The following VPS35L variants were observed in gnomAD, a reference collection of about 807,000 sequenced individuals.
The protein encoded by VPS35L is VPS35 endosomal protein-sorting factor-like.
VPS35L carries 83 observed loss-of-function variants against 133.0 expected under a neutral mutation model. The ratio of observed to expected loss-of-function variants is 0.62; its 90% CI spans 0.52 to 0.75. The LOEUF is 0.75. Among genes scored for constraint, VPS35L ranks in the 30% least tolerant of loss-of-function variants. The probability of loss-of-function intolerance (pLI) is 0.00; values close to 1 mark genes in which losing one functional copy is unlikely to be tolerated. For missense variants in VPS35L, 1,083 were observed against 1,206.8 expected (o/e 0.90, Z 1.52); for synonymous variants, 423 against 449.9 (o/e 0.94, Z 0.76).
intron 7 of VPS35L, among the ~76,000 whole-genome samples, chr16:19,582,332 A>G (rs1486757199): frequency 6.6e-6 from 1 of 152,200 alleles, no homozygotes; most frequent in African/African-American, 2.4e-5. Flanking sequence ...TCTACAAAGG[A>G]TTTCTGAACT....
chr16:19,698,466 C>G (rs1337735747), intron 29 of VPS35L, among the ~76,000 whole-genome samples: 2 of 152,188 alleles, frequency 1.3e-5, no homozygotes, highest in Admixed American at 1.3e-4. Flanking sequence ...ATGCTCCCTA[C>G]CTTAATTCCA....
intron 1 of VPS35L, among the ~76,000 whole-genome samples, chr16:19,558,330 G>C (rs965707198): frequency 1.3e-5 from 2 of 152,364 alleles, no homozygotes; most frequent in South Asian, 4.1e-4. Context: ...GAGGCAGAGA[G>C]ATGAAGCAGT....
intron 5 of VPS35L, among the ~76,000 whole-genome samples, chr16:19,576,841 G>A (rs1971555480): frequency 6.8e-6 from 1 of 148,112 alleles, no homozygotes; most frequent in African/African-American, 2.6e-5. Flanking sequence ...TGAGTTACTG[G>A]GACTATAGGT....
chr16:19,690,019 C>T (rs897375159), intron 28 of VPS35L, among the ~76,000 whole-genome samples: 1 of 151,968 alleles, frequency 6.6e-6, no homozygotes, highest in Admixed American at 6.6e-5. Flanking sequence ...CTCAAGCAGT[C>T]CTCCCACCTT....
chr16:19,602,166 A>G (rs1449752992), intron 9 of VPS35L, among the ~76,000 whole-genome samples: 1 of 152,228 alleles, frequency 6.6e-6, no homozygotes, highest in Non-Finnish European at 1.5e-5. Flanking sequence ...TTTTGCATTA[A>G]ATTGACTGTC....
At chr16:19,654,110 C>T (rs1478006530) in intron 26 of VPS35L, among the ~76,000 whole-genome samples, 1 of 152,136 alleles carries the variant, frequency 6.6e-6, no homozygotes, top group Non-Finnish European at 1.5e-5. Context: ...CCTCTTTCTA[C>T]AATGATCTTT....
At chr16:19,570,866 TATATATATA>T (rs1971349436) in intron 3 of VPS35L, among the ~76,000 whole-genome samples, 2 of 88,078 alleles carry the variant, frequency 2.3e-5, no homozygotes, top group African/African-American at 5.8e-5. Context: ...TATATATATA[TATATATATA>T]TATATATATA....
chr16:19,640,544 G>A (rs67415302), intron 21 of VPS35L, among the ~76,000 whole-genome samples: 31,806 of 152,098 alleles, frequency 0.21, 3,999 homozygotes, highest in Non-Finnish European at 0.27. Context: ...AGAAGGCACC[G>A]GTGCTAGAAA....
At chr16:19,566,957 G>T (rs1971209579) in intron 2 of VPS35L, among the ~76,000 whole-genome samples, 1 of 151,996 alleles carries the variant, frequency 6.6e-6, no homozygotes, top group Non-Finnish European at 1.5e-5. Context: ...TCACCATGTT[G>T]GCCAGGCTGG....
intron 10 of VPS35L, chr16:19,608,544 C>T: frequency 2.3e-6 from 1 of 428,530 alleles, no homozygotes; most frequent in Non-Finnish European, 4.1e-6. Context: ...TTAATTCTCT[C>T]AATTAAAATG....
chr16:19,587,132 G>T (rs548625362), intron 7 of VPS35L, among the ~76,000 whole-genome samples: 1 of 152,046 alleles, frequency 6.6e-6, no homozygotes, highest in Non-Finnish European at 1.5e-5. Flanking sequence ...AGGTGACACA[G>T]GTTTTCAGAC....
chr16:19,590,757 T>C (rs1972018589), intron 7 of VPS35L, among the ~76,000 whole-genome samples: 1 of 152,024 alleles, frequency 6.6e-6, no homozygotes, highest in East Asian at 1.9e-4. Context: ...AAGACCAGCC[T>C]GAGCAACATA....
At chr16:19,673,960 A>G (rs892270451) in intron 27 of VPS35L, among the ~76,000 whole-genome samples, 1 of 152,090 alleles carries the variant, frequency 6.6e-6, no homozygotes, top group African/African-American at 2.4e-5. Context: ...TATTTGCTCA[A>G]GTTCATTGAG....
In VPS35L at chr16:19,617,323, A is replaced by T. The variant is rs146442142; in HGVS notation, c.1224+515A>T. ...CAATGAGCTGTGACTGTACTACTGC[A>T]CTCCAGCCTGAGTGACAGAGCAAGA... On this transcript the variant is annotated intron_variant, in intron 14 of 30. Transcript: ENST00000417362. 231 of 204,676 alleles carry T rather than the reference A, an allele frequency of 1.1e-3. 2 individuals are homozygous for T. The highest frequency in any genetic ancestry group is 4.3e-3 in the African/African-American group (186 of 43,308). 12.7% of individuals were successfully genotyped at this position (204,676 alleles called of 1,614,324 possible).
At chr16:19,680,326 C>T (rs1206490117) in intron 27 of VPS35L, among the ~76,000 whole-genome samples, 2 of 152,202 alleles carry the variant, frequency 1.3e-5, no homozygotes, top group Non-Finnish European at 2.9e-5. Flanking sequence ...ACATTATTCA[C>T]CCAATGCATG....
chr16:19,608,760 G>A (rs947262986), intron 10 of VPS35L: 9 of 535,080 alleles, frequency 1.7e-5, no homozygotes, highest in Admixed American at 9.7e-5. Context: ...ATGAATCAAC[G>A]TATAACATTT....
chr16:19,693,510 G>A (rs1245530548), intron 29 of VPS35L, among the ~76,000 whole-genome samples: 1 of 152,030 alleles, frequency 6.6e-6, no homozygotes, highest in African/African-American at 2.4e-5. Context: ...GCCAGGTACG[G>A]TGACTCACGC....
chr16:19,605,090 G>A (rs1972500184), intron 9 of VPS35L, among the ~76,000 whole-genome samples: 1 of 152,126 alleles, frequency 6.6e-6, no homozygotes, highest in Non-Finnish European at 1.5e-5. Context: ...AACTGACCTG[G>A]CCTTTCCAGC....
At chr16:19,698,380 T>G (rs1465418637) in intron 29 of VPS35L, among the ~76,000 whole-genome samples, 4 of 152,164 alleles carry the variant, frequency 2.6e-5, no homozygotes, top group Non-Finnish European at 5.9e-5. Flanking sequence ...ACTGCTTGTC[T>G]CTGATTCTGG....
Sources: allele counts gnomAD v4.1 joint callset (sites outside exome capture counted in the v4.1 genomes callset), GRCh38; gene constraint gnomAD v4.1.1; transcripts MANE v1.5; gene names NCBI Gene and HGNC (gene_info 2026-07-23, HGNC 2026-07-21).